CNNM2: variants seen among roughly 807,000 people sequenced by gnomAD.
The protein encoded by CNNM2 is cyclin and CBS domain divalent metal cation transport mediator 2.
Under a neutral mutation model 66.9 loss-of-function variants are expected in CNNM2, and 12 were observed. The ratio of observed to expected loss-of-function variants is 0.18; its 90% CI spans 0.11 to 0.29. The LOEUF (loss-of-function observed/expected upper bound fraction) is 0.29, where lower values mean the gene tolerates loss of function less well. Ranked by LOEUF, CNNM2 falls within the 10% of genes least tolerant of loss-of-function variation. The probability of loss-of-function intolerance (pLI) is 1.00; values close to 1 mark genes in which losing one functional copy is unlikely to be tolerated. For synonymous variants in CNNM2, 557 were observed against 501.8 expected, an observed-to-expected ratio of 1.11 and a Z score of -1.47; for missense variants, 705 against 1,167.7, an observed-to-expected ratio of 0.60 and a Z score of 5.77.
chr10:102,967,427 C>G (rs2134211015), intron 1 of CNNM2, among the ~76,000 whole-genome samples: 1 of 152,338 alleles, frequency 6.6e-6, no homozygotes, highest in East Asian at 1.9e-4. Flanking sequence ...TCTTCTGGGT[C>G]AATCCCTGCT....
At chr10:103,053,358 A>C (rs981272018) in intron 2 of CNNM2, among the ~76,000 whole-genome samples, 3 of 152,130 alleles carry the variant, frequency 2.0e-5, no homozygotes, top group Non-Finnish European at 2.9e-5. Flanking sequence ...CTACAAAAAA[A>C]ATTTTAAAAT....
chr10:103,042,763 A>T (rs898194434), intron 1 of CNNM2, among the ~76,000 whole-genome samples: 2 of 152,226 alleles, frequency 1.3e-5, no homozygotes, highest in African/African-American at 4.8e-5. Context: ...AATTGTAATT[A>T]TATTTAAAGT....
At chr10:102,979,471 C>T (rs2063686749) in intron 1 of CNNM2, among the ~76,000 whole-genome samples, 1 of 152,174 alleles carries the variant, frequency 6.6e-6, no homozygotes, top group Non-Finnish European at 1.5e-5. Flanking sequence ...GCTCACAGGT[C>T]ACTAACATAT....
At chr10:102,936,901 G>A (rs571106276) in intron 1 of CNNM2, among the ~76,000 whole-genome samples, 74 of 152,192 alleles carry the variant, frequency 4.9e-4, no homozygotes, top group Non-Finnish European at 9.3e-4. Flanking sequence ...TTGAGGTACA[G>A]AATTGAAATG....
intron 4 of CNNM2, among the ~76,000 whole-genome samples, chr10:103,061,259 G>A (rs2065381694): frequency 6.6e-6 from 1 of 152,082 alleles, no homozygotes; most frequent in Admixed American, 6.5e-5. Flanking sequence ...TAGACGTGTT[G>A]GTGTGCGCCT....
At chr10:103,035,402 A>G (rs1482080422) in intron 1 of CNNM2, among the ~76,000 whole-genome samples, 3 of 152,158 alleles carry the variant, frequency 2.0e-5, no homozygotes, top group Non-Finnish European at 4.4e-5. Flanking sequence ...AAACATTCCA[A>G]TGAGTGTACA....
At chr10:102,949,253 G>T (rs925726140) in intron 1 of CNNM2, among the ~76,000 whole-genome samples, 1 of 151,956 alleles carries the variant, frequency 6.6e-6, no homozygotes, top group Non-Finnish European at 1.5e-5. Flanking sequence ...TCGGCTCACC[G>T]CAACCTCCGC....
chr10:103,021,985 G>A (rs1366171863), intron 1 of CNNM2, among the ~76,000 whole-genome samples: 1 of 152,174 alleles, frequency 6.6e-6, no homozygotes, highest in East Asian at 1.9e-4. Flanking sequence ...AATTCTTTAA[G>A]GTCAGAGAGA....
intron 1 of CNNM2, among the ~76,000 whole-genome samples, chr10:102,973,597 T>C (rs1456043951): frequency 2.0e-5 from 3 of 151,824 alleles, no homozygotes; most frequent in Non-Finnish European, 4.4e-5. Flanking sequence ...GCTCAAGAGA[T>C]CCACCCACCT....
chr10:103,008,801 C>T (rs933326161), intron 1 of CNNM2, among the ~76,000 whole-genome samples: 4 of 148,082 alleles, frequency 2.7e-5, no homozygotes, highest in Non-Finnish European at 4.5e-5. Context: ...AAAAAAAACC[C>T]AAATGCTCAT....
chr10:103,089,655 G>A lies in CNNM2; in HGVS notation c.*12475G>A, dbSNP rs2066179596. 3.2e-6 allele frequency: 5 copies of A among 1,577,312 alleles called. No individual in the cohort carries two copies. The highest frequency in any genetic ancestry group is 3.5e-5 in the Admixed American group (2 of 56,872). ...CAGGACTTGTTTAATGGGTGCTTGG[G>A]GTTTTGGTTTTCCTCCTTATTCTTC... On this transcript the variant is annotated 3_prime_UTR_variant, in exon 8 of 8. Coordinates refer to ENST00000369878, the MANE Select transcript of CNNM2 (RefSeq NM_017649.5).
intron 1 of CNNM2, among the ~76,000 whole-genome samples, chr10:102,948,021 C>G (rs1404014162): frequency 2.0e-5 from 3 of 152,132 alleles, no homozygotes; most frequent in Non-Finnish European, 2.9e-5. Flanking sequence ...CCACTACACT[C>G]CAGCCTGGGG....
intron 1 of CNNM2, among the ~76,000 whole-genome samples, chr10:103,023,950 A>C (rs1477031944): frequency 6.6e-6 from 1 of 152,212 alleles, no homozygotes; most frequent in Non-Finnish European, 1.5e-5. Flanking sequence ...TACAGATATC[A>C]TACTTTATCC....
chr10:103,043,358 T>C (rs1163954297), intron 1 of CNNM2, among the ~76,000 whole-genome samples: 1 of 152,226 alleles, frequency 6.6e-6, no homozygotes, highest in Non-Finnish European at 1.5e-5. Context: ...TCTTCCTTAA[T>C]GTCTGCCTAG....
chr10:102,983,847 C>A (rs2063755587), intron 1 of CNNM2, among the ~76,000 whole-genome samples: 2 of 151,834 alleles, frequency 1.3e-5, no homozygotes, highest in South Asian at 4.1e-4. Context: ...CTTATTGCAA[C>A]CTCCACCTCC....
intron 1 of CNNM2, among the ~76,000 whole-genome samples, chr10:103,022,946 A>C (rs2064618537): frequency 6.6e-6 from 1 of 152,086 alleles, no homozygotes; most frequent in African/African-American, 2.4e-5. Context: ...GTGGTTGCCC[A>C]GGCTGGAGTG....
At chr10:102,944,460 C>G (rs1010857155) in intron 1 of CNNM2, among the ~76,000 whole-genome samples, 10 of 152,146 alleles carry the variant, frequency 6.6e-5, no homozygotes, top group Admixed American at 6.6e-5. Context: ...TCCTACTCCC[C>G]TGCAATTTTT....
At chr10:102,946,387 C>A (rs1421935060) in intron 1 of CNNM2, among the ~76,000 whole-genome samples, 2 of 151,978 alleles carry the variant, frequency 1.3e-5, no homozygotes, top group Non-Finnish European at 2.9e-5. Flanking sequence ...ATTGATTATT[C>A]TTGTGATATA....
chr10:103,000,498 G>A (rs977170823), intron 1 of CNNM2, among the ~76,000 whole-genome samples: 1 of 151,800 alleles, frequency 6.6e-6, no homozygotes, highest in Non-Finnish European at 1.5e-5. Context: ...GTGTCACTCA[G>A]GATGGAGTGC....
Sources: allele counts gnomAD v4.1 joint callset (sites outside exome capture counted in the v4.1 genomes callset), GRCh38; gene constraint gnomAD v4.1.1; transcripts MANE v1.5; gene names NCBI Gene and HGNC (gene_info 2026-07-23, HGNC 2026-07-21).